Variants in ARHGAP26 observed in about 807,000 individuals in gnomAD.
ARHGAP26 encodes the protein Rho GTPase activating protein 26, also known as rho GTPase-activating protein 26.
ARHGAP26 carries 38 observed loss-of-function variants against 104.8 expected under a neutral mutation model. The ratio of observed to expected loss-of-function variants is 0.36; its 90% confidence interval spans 0.28 to 0.48. The LOEUF (loss-of-function observed/expected upper bound fraction) is 0.48. ARHGAP26 is among the 20% of genes least tolerant of loss of function. The probability of loss-of-function intolerance (pLI) is 0.99; values close to 1 mark genes in which losing one functional copy is unlikely to be tolerated. For missense variants in ARHGAP26, 704 were observed against 947.9 expected, an observed-to-expected ratio of 0.74 and a Z score of 3.38; for synonymous variants, 341 against 340.0, an observed-to-expected ratio of 1.00 and a Z score of -0.03.
At chr5:142,892,625 T>G (rs1758820034) in intron 5 of ARHGAP26, among the ~76,000 whole-genome samples, 1 of 152,036 alleles carries the variant, frequency 6.6e-6, no homozygotes, top group South Asian at 2.1e-4. Context: ...GTTGATTACT[T>G]TTAACATGTG....
At chr5:143,158,357 C>G (rs1037825173) in intron 20 of ARHGAP26, among the ~76,000 whole-genome samples, 1 of 152,188 alleles carries the variant, frequency 6.6e-6, no homozygotes, top group Non-Finnish European at 1.5e-5. Context: ...AGACAGGCAT[C>G]GAACTGTTTA....
intron 11 of ARHGAP26, among the ~76,000 whole-genome samples, chr5:142,941,677 C>G (rs1441272583): frequency 6.6e-6 from 1 of 152,122 alleles, no homozygotes; most frequent in Non-Finnish European, 1.5e-5. Context: ...TGTCCTTGTT[C>G]TCTTTGGTTA....
At chr5:142,777,796 A>G (rs923867910) in intron 1 of ARHGAP26, among the ~76,000 whole-genome samples, 4 of 152,196 alleles carry the variant, frequency 2.6e-5, no homozygotes, top group African/African-American at 7.2e-5. Context: ...TGACTGTAGC[A>G]GAGTGAAGGC....
intron 20 of ARHGAP26, among the ~76,000 whole-genome samples, chr5:143,153,913 A>G (rs1800148998): frequency 1.3e-5 from 2 of 152,192 alleles, no homozygotes; most frequent in African/African-American, 4.8e-5. Context: ...CAGTCCCTGG[A>G]ATTCAAAGGA....
intron 1 of ARHGAP26, among the ~76,000 whole-genome samples, chr5:142,838,275 G>T (rs1031716796): frequency 1.3e-5 from 2 of 151,644 alleles, no homozygotes; most frequent in African/African-American, 2.4e-5. Context: ...AAAAAAAAAA[G>T]TTAAGGGTAA....
At chr5:142,874,873 A>T (rs1380579087) in intron 2 of ARHGAP26, 3 of 510,922 alleles carry the variant, frequency 5.9e-6, no homozygotes, top group Non-Finnish European at 1.1e-5. Context: ...GAACAGGCAG[A>T]TCTTTTCCTT....
At chr5:143,205,527 A>T (rs562473402) in intron 20 of ARHGAP26, among the ~76,000 whole-genome samples, 1 of 152,330 alleles carries the variant, frequency 6.6e-6, no homozygotes, top group South Asian at 2.1e-4. Flanking sequence ...ATCTAAAGGA[A>T]ACACATGAAT....
At chr5:142,895,291 T>A (rs1759307861) in intron 6 of ARHGAP26, among the ~76,000 whole-genome samples, 2 of 152,050 alleles carry the variant, frequency 1.3e-5, no homozygotes, top group Non-Finnish European at 2.9e-5. Flanking sequence ...AGTGCAATGG[T>A]GCAATCTCAG....
intron 11 of ARHGAP26, among the ~76,000 whole-genome samples, chr5:142,970,081 A>G (rs1309037580): frequency 6.6e-6 from 1 of 152,228 alleles, no homozygotes; most frequent in Non-Finnish European, 1.5e-5. Flanking sequence ...ACTGTTAGTC[A>G]TGTTAAGCAG....
In ARHGAP26 at chr5:142,830,605, C is replaced by T. The variant is rs576236368; in HGVS notation, c.155-42795C>T. Among the ~76,000 whole-genome samples, 15 of 152,154 alleles carry T rather than the reference C, an allele frequency of 9.9e-5. No homozygotes were observed. The South Asian group carries it at 2.1e-3, about 21-fold the overall frequency. On this transcript the variant is annotated intron_variant, in intron 1 of 22. Transcript: ENST00000645722. ...AGCTGTGCAGGTGGATAAAAAATAC[C>T]GGTCTTCAAAAAATGTTACCGATAG...
chr5:142,805,819 G>T (rs1442507939), intron 1 of ARHGAP26, among the ~76,000 whole-genome samples: 2 of 152,160 alleles, frequency 1.3e-5, no homozygotes, highest in Non-Finnish European at 2.9e-5. Flanking sequence ...ATTTGGTAGG[G>T]TGGGTAAAAG....
chr5:142,810,945 A>G (rs913310474), intron 1 of ARHGAP26, among the ~76,000 whole-genome samples: 2 of 152,214 alleles, frequency 1.3e-5, no homozygotes, highest in Non-Finnish European at 2.9e-5. Context: ...TACCAGCTGT[A>G]TTCACCATAT....
At position 143,168,393 on chromosome 5, in the gene ARHGAP26, A is replaced by G. The variant is rs980701473; in HGVS notation, c.1988+21012A>G. On this transcript the variant is annotated intron_variant, in intron 20 of 22. Coordinates refer to ENST00000645722, the MANE Select transcript of ARHGAP26 (RefSeq NM_001135608.3). The stretch of plus-strand genomic sequence containing the variant: ...AATTGACTTGCCTGAGACGTTCCCT[A>G]TTTTCATCACAGCTTTGCTTCATAG... Among the ~76,000 whole-genome samples, 4 of 115,318 alleles carry G rather than the reference A, an allele frequency of 3.5e-5. No individual in the cohort carries two copies. In the Admixed American group the frequency reaches 4.3e-4, roughly 12 times the overall value. The allele number at this position is 115,318 out of a possible 152,430, so 75.7% of individuals were successfully genotyped here.
intron 11 of ARHGAP26, among the ~76,000 whole-genome samples, chr5:142,955,892 T>C (rs1769158072): frequency 6.6e-6 from 1 of 152,210 alleles, no homozygotes; most frequent in African/African-American, 2.4e-5. Flanking sequence ...AGCTTTATGC[T>C]TACTTGGCTT....
At chr5:142,961,853 C>T (rs1352131939) in intron 11 of ARHGAP26, among the ~76,000 whole-genome samples, 2 of 152,154 alleles carry the variant, frequency 1.3e-5, no homozygotes, top group Non-Finnish European at 1.5e-5. Context: ...TCTTCTCACT[C>T]TTCATATTTT....
chr5:142,958,793 G>A (rs1769676656), intron 11 of ARHGAP26, among the ~76,000 whole-genome samples: 1 of 151,786 alleles, frequency 6.6e-6, no homozygotes, highest in Admixed American at 6.6e-5. Context: ...CATAGGCCGG[G>A]TGCAGTGGCT....
intron 22 of ARHGAP26, among the ~76,000 whole-genome samples, chr5:143,220,875 T>G (rs1282953334): frequency 6.6e-6 from 1 of 151,936 alleles, no homozygotes; most frequent in African/African-American, 2.4e-5. Flanking sequence ...CTCCTTTGGT[T>G]TCTGTTCTTG....
At chr5:142,959,566 G>GCCATGTTCCTCCTCTTGAGGCTCCT (rs1257379258) in intron 11 of ARHGAP26, among the ~76,000 whole-genome samples, 59 of 152,168 alleles carry the variant, frequency 3.9e-4, no homozygotes, top group Non-Finnish European at 7.1e-4. Context: ...TGGAGGCAGC[G>GCCATGTTCCTCCTCTTGAGGCTCCT]CCATGTTCCT....
At chr5:143,016,694 C>T (rs2152825360) in intron 12 of ARHGAP26, among the ~76,000 whole-genome samples, 1 of 98,138 alleles carries the variant, frequency 1.0e-5, no homozygotes, top group Non-Finnish European at 2.2e-5. Context: ...TAGACTGAGA[C>T]TCTGTCTCAA....
Sources: allele counts gnomAD v4.1 joint callset (sites outside exome capture counted in the v4.1 genomes callset), GRCh38; gene constraint gnomAD v4.1.1; transcripts MANE v1.5; gene names NCBI Gene and HGNC (gene_info 2026-07-23, HGNC 2026-07-21).